NDUFS4: variants seen among roughly 807,000 people sequenced by gnomAD.
The protein encoded by NDUFS4 is NADH:ubiquinone oxidoreductase subunit S4, also known as NADH dehydrogenase [ubiquinone] iron-sulfur protein 4, mitochondrial.
A neutral mutation model predicts 24.3 loss-of-function variants in NDUFS4; 28 were observed. That is an observed-to-expected ratio of 1.15 (90% CI 0.85 to 1.58). The LOEUF is 1.58. NDUFS4 is among the 40% of genes most tolerant of loss of function. The pLI, the probability that NDUFS4 is intolerant of heterozygous loss-of-function variation, is 0.00. For synonymous variants in NDUFS4, 93 were observed against 69.7 expected (o/e 1.34, Z -1.67); for missense variants, 223 against 207.9 (o/e 1.07, Z -0.45).
At chr5:53,605,891 G>A (rs758953173) in intron 2 of NDUFS4, among the ~76,000 whole-genome samples, 1 of 152,020 alleles carries the variant, frequency 6.6e-6, no homozygotes, top group South Asian at 2.1e-4. Context: ...GTGTGTGTCT[G>A]TAGTCCCAGC....
At chr5:53,674,487 A>G (rs1487590455) in intron 4 of NDUFS4, among the ~76,000 whole-genome samples, 2 of 152,178 alleles carry the variant, frequency 1.3e-5, no homozygotes, top group Non-Finnish European at 2.9e-5. Flanking sequence ...GAACCCTATC[A>G]TTATCAATGG....
In NDUFS4 at chr5:53,578,677, A is replaced by G. The variant is rs142114949; in HGVS notation, c.98+17917A>G. Among the ~76,000 whole-genome samples the G allele has an allele frequency of 9.1e-3, 1,390 of 152,314 alleles. 16 individuals are homozygous for G. Among genetic ancestry groups the G allele is most frequent in the African/African-American group, 0.032 (1,317 of 41,574 alleles). On this transcript the variant is annotated intron_variant, in intron 1 of 4. Coordinates refer to ENST00000296684, the MANE Select transcript of NDUFS4 (RefSeq NM_002495.4). ...CATAGTACAGTGCTCGGCATATGCT[A>G]TAAGTGCCTGAAAAATTATAAAAAG...
chr5:53,649,205 G>A (rs1364841800), intron 3 of NDUFS4, among the ~76,000 whole-genome samples: 1 of 152,022 alleles, frequency 6.6e-6, no homozygotes, highest in Non-Finnish European at 1.5e-5. Flanking sequence ...ATTGAATATT[G>A]TTCTTTTTTA....
At chr5:53,616,061 A>G (rs957176268) in intron 2 of NDUFS4, among the ~76,000 whole-genome samples, 17 of 152,136 alleles carry the variant, frequency 1.1e-4, no homozygotes, top group Admixed American at 3.3e-4. Flanking sequence ...TATGGCAGCT[A>G]TAGCCTGTGC....
intron 3 of NDUFS4, among the ~76,000 whole-genome samples, chr5:53,653,354 C>G (rs1752072635): frequency 6.6e-6 from 1 of 152,124 alleles, no homozygotes; most frequent in African/African-American, 2.4e-5. Flanking sequence ...GCAGATAGTT[C>G]TTTTGATTAT....
intron 1 of NDUFS4, among the ~76,000 whole-genome samples, chr5:53,599,935 C>T (rs910674566): frequency 2.0e-5 from 3 of 151,882 alleles, no homozygotes; most frequent in Non-Finnish European, 2.9e-5. Flanking sequence ...CTGTATAATT[C>T]ATGTGTAGTC....
chr5:53,598,983 A>T (rs1415838571), intron 1 of NDUFS4, among the ~76,000 whole-genome samples: 1 of 152,222 alleles, frequency 6.6e-6, no homozygotes, highest in Non-Finnish European at 1.5e-5. Context: ...CAAAACAAAT[A>T]GATGGACAAA....
chr5:53,562,707 A>T (rs570103598), intron 1 of NDUFS4, among the ~76,000 whole-genome samples: 1 of 152,142 alleles, frequency 6.6e-6, no homozygotes, highest in African/African-American at 2.4e-5. Context: ...CCTCTCCCTT[A>T]CATATTGTTT....
chr5:53,613,032 A>T (rs1750745202), intron 2 of NDUFS4, among the ~76,000 whole-genome samples: 2 of 152,088 alleles, frequency 1.3e-5, no homozygotes, highest in African/African-American at 4.8e-5. Flanking sequence ...GATCATTAAG[A>T]GGTGACCTAC....
At chr5:53,609,110 A>G (rs1181202632) in intron 2 of NDUFS4, among the ~76,000 whole-genome samples, 1 of 152,150 alleles carries the variant, frequency 6.6e-6, no homozygotes, top group Non-Finnish European at 1.5e-5. Context: ...TGCTATTTTC[A>G]TCTCCTATGA....
rs1410592370 is a variant in NDUFS4 at position 53,646,405 on chromosome 5, C to T, written c.350C>T (p.Thr117Met). 1 of 1,612,584 alleles carries T rather than the reference C, an allele frequency of 6.2e-7. No homozygotes were observed. Among genetic ancestry groups the T allele is most frequent in the Admixed American group, 1.7e-5 (1 of 59,996 alleles). The change falls in exon 3 of 5, where the codon ACG (threonine) becomes ATG (methionine). Residue 117 changes from threonine to methionine, a missense_variant and splice_region_variant. Physicochemically the swap from Thr to Met is moderately conservative, Grantham distance 81. Coordinates refer to ENST00000296684, the MANE Select transcript of NDUFS4 (RefSeq NM_002495.4). ...WENPLMGWAS[T>M]ADPLSNMVLT... ...AATCCTTTGATGGGTTGGGCATCAA[C>T]GTGAGTACTTTATTTTAATGTGAAT...
At chr5:53,675,157 C>CTT (rs70983372) in intron 4 of NDUFS4, among the ~76,000 whole-genome samples, 2,464 of 102,960 alleles carry the variant, frequency 0.024, 103 homozygotes, top group East Asian at 0.054. Context: ...AACAGAGTTC[C>CTT]TTTTTTTTTT....
chr5:53,680,730 G>T (rs1339040918), intron 4 of NDUFS4, among the ~76,000 whole-genome samples: 4 of 152,090 alleles, frequency 2.6e-5, no homozygotes, highest in Non-Finnish European at 4.4e-5. Flanking sequence ...AGCTTTAGGA[G>T]ATATACCTAA....
intron 2 of NDUFS4, among the ~76,000 whole-genome samples, chr5:53,607,075 G>A (rs561266591): frequency 2.6e-4 from 40 of 152,200 alleles, no homozygotes; most frequent in African/African-American, 9.6e-4. Flanking sequence ...AATACAGAAG[G>A]CACAGATATG....
intron 1 of NDUFS4, among the ~76,000 whole-genome samples, chr5:53,592,804 A>G (rs550764875): frequency 2.0e-5 from 3 of 152,292 alleles, no homozygotes; most frequent in South Asian, 2.1e-4. Context: ...AAGTCGGGTA[A>G]TAACAGTTTT....
At chr5:53,586,546 G>A (rs947009201) in intron 1 of NDUFS4, among the ~76,000 whole-genome samples, 13 of 151,958 alleles carry the variant, frequency 8.6e-5, no homozygotes, top group African/African-American at 2.7e-4. Flanking sequence ...ATTTTGAGAC[G>A]GAGTCTCACT....
At chr5:53,574,032 A>G (rs538944798) in intron 1 of NDUFS4, among the ~76,000 whole-genome samples, 17 of 152,340 alleles carry the variant, frequency 1.1e-4, no homozygotes, top group Admixed American at 6.5e-4. Flanking sequence ...TGGGCTTTCT[A>G]AGAAAATAAT....
chr5:53,588,745 C>G (rs577996556), intron 1 of NDUFS4, among the ~76,000 whole-genome samples: 1 of 152,114 alleles, frequency 6.6e-6, no homozygotes, highest in Admixed American at 6.5e-5. Context: ...CAACTTGTAC[C>G]AACTAGCTTT....
At chr5:53,667,952 C>T (rs541561948) in intron 4 of NDUFS4, among the ~76,000 whole-genome samples, 21 of 152,272 alleles carry the variant, frequency 1.4e-4, no homozygotes, top group African/African-American at 5.1e-4. Flanking sequence ...TAGCCCAGTG[C>T]CTTACTCATA....
Sources: gnomAD v4.1 joint callset for allele counts (sites outside exome capture counted in the v4.1 genomes callset) on GRCh38, gnomAD v4.1.1 for gene constraint, MANE v1.5 for transcripts, NCBI Gene and HGNC (gene_info 2026-07-23, HGNC 2026-07-21) for gene names.